CEP85L: variants seen among roughly 807,000 people sequenced by gnomAD.
The protein encoded by CEP85L is centrosomal protein 85L, also known as centrosomal protein of 85 kDa-like.
Under a neutral mutation model 100.3 loss-of-function variants are expected in CEP85L, and 60 were observed. The ratio of observed to expected loss-of-function variants is 0.60; its 90% CI spans 0.49 to 0.74. The LOEUF is 0.74. CEP85L is among the 30% of genes least tolerant of loss of function. CEP85L has a pLI of 0.00. For missense variants in CEP85L, 973 were observed against 936.2 expected, an observed-to-expected ratio of 1.04 and a Z score of -0.51; for synonymous variants, 319 against 322.7, an observed-to-expected ratio of 0.99 and a Z score of 0.12.
intron 1 of CEP85L, among the ~76,000 whole-genome samples, chr6:118,640,794 A>C (rs1292279182): frequency 6.6e-6 from 1 of 152,044 alleles, no homozygotes; most frequent in Non-Finnish European, 1.5e-5. Context: ...CTCCCAAAGT[A>C]CTGGGATTAC....
At chr6:118,512,632 A>G (rs1776035872) in intron 4 of CEP85L, among the ~76,000 whole-genome samples, 1 of 152,118 alleles carries the variant, frequency 6.6e-6, no homozygotes, top group Admixed American at 6.6e-5. Context: ...TCAATAGTGA[A>G]TTATCTGATC....
intron 2 of CEP85L, among the ~76,000 whole-genome samples, chr6:118,583,213 G>A (rs1371796284): frequency 2.0e-5 from 3 of 152,098 alleles, no homozygotes; most frequent in African/African-American, 7.2e-5. Context: ...TTAAACCCCC[G>A]GCTCCAGCGA....
At chr6:118,488,644 C>A (rs887272903) in intron 6 of CEP85L, among the ~76,000 whole-genome samples, 1 of 151,912 alleles carries the variant, frequency 6.6e-6, no homozygotes, top group Non-Finnish European at 1.5e-5. Context: ...TAAAAACTTC[C>A]CAAATATGTG....
chr6:118,558,911 C>T (rs764862475), intron 3 of CEP85L: 1 of 1,612,418 alleles, frequency 6.2e-7, no homozygotes, highest in South Asian at 1.1e-5. Context: ...ACTTCCTGTC[C>T]TGCTGGTATC....
intron 3 of CEP85L, among the ~76,000 whole-genome samples, chr6:118,563,172 A>C (rs1779321617): frequency 6.6e-6 from 1 of 152,190 alleles, no homozygotes; most frequent in Non-Finnish European, 1.5e-5. Context: ...CTGAGGGCAT[A>C]ATGGCTTCTT....
At chr6:118,659,831 G>A (rs1775913286) in intron 1 of CEP85L, among the ~76,000 whole-genome samples, 1 of 152,202 alleles carries the variant, frequency 6.6e-6, no homozygotes, top group Non-Finnish European at 1.5e-5. Context: ...CTTGCCCTAA[G>A]ATGGCCCCTG....
chr6:118,558,285 C>T (rs894462794), intron 3 of CEP85L, among the ~76,000 whole-genome samples: 2 of 152,120 alleles, frequency 1.3e-5, no homozygotes, highest in Admixed American at 6.6e-5. Context: ...TAAATGTATA[C>T]ATAGTTCATA....
intron 7 of CEP85L, among the ~76,000 whole-genome samples, chr6:118,482,187 A>C (rs1773840710): frequency 6.6e-6 from 1 of 152,142 alleles, no homozygotes; most frequent in Admixed American, 6.6e-5. Flanking sequence ...TAATATTCTC[A>C]TTTTAAATTT....
chr6:118,590,046 C>CACACACACACACACACAT (rs1781093813), intron 2 of CEP85L, among the ~76,000 whole-genome samples: 7 of 41,996 alleles, frequency 1.7e-4, no homozygotes, highest in Admixed American at 1.1e-3. Context: ...TCTGCATTTA[C>CACACACACACACACACAT]ACACACACAC....
chr6:118,565,608 G>T lies in CEP85L; in HGVS notation c.941C>A (p.Thr314Lys), dbSNP rs781502949. The T allele has an allele frequency of 5.0e-6, 8 of 1,614,070 alleles. No homozygotes were observed. In the East Asian group the frequency reaches 1.1e-4, roughly 22 times the overall value. Reference protein sequence around the residue: ...LRTNPLEGRNTEDSYSLAPWQ... With the variant: ...LRTNPLEGRNKEDSYSLAPWQ... ...AGGAGCTAAACTGTAAGAATCCTCT[G>T]TATTTCTACCTTCCAAAGGATTTGT... Residue 314 changes from threonine to lysine, a missense_variant, in exon 3 of 13, where the codon ACA (threonine) becomes AAA (lysine). Thr to Lys is a moderately conservative substitution (Grantham distance 78). Around this residue, in one of 3 missense-constraint regions of CEP85L, gnomAD observed 890 missense variants for 844.5 expected, o/e 1.05. Transcript: ENST00000368491.
intron 1 of CEP85L, among the ~76,000 whole-genome samples, chr6:118,702,903 G>T (rs371505838): frequency 1.3e-5 from 2 of 151,612 alleles, no homozygotes; most frequent in African/African-American, 4.8e-5. Flanking sequence ...GGCTGAGGCA[G>T]GAGAATGGCA....
At chr6:118,512,294 G>C (rs777641602) in intron 4 of CEP85L, among the ~76,000 whole-genome samples, 2 of 152,078 alleles carry the variant, frequency 1.3e-5, no homozygotes, top group African/African-American at 4.8e-5. Flanking sequence ...ATAACCCTTG[G>C]GCACTCGGTT....
chr6:118,600,363 GTGTGTGTAACGCCA>G (rs1781718165), intron 2 of CEP85L, among the ~76,000 whole-genome samples: 2 of 134,890 alleles, frequency 1.5e-5, no homozygotes, highest in African/African-American at 2.7e-5. Flanking sequence ...GTGTGTGTGT[GTGTGTGTAACGCCA>G]TGGAGCAATC....
chr6:118,503,211 A>G (rs1775418437), intron 5 of CEP85L, among the ~76,000 whole-genome samples: 1 of 152,240 alleles, frequency 6.6e-6, no homozygotes. Flanking sequence ...ATCAAAAAAT[A>G]AGATAGGTAT....
In CEP85L at chr6:118,465,403, G is replaced by A; in HGVS notation, c.*2C>T. The A allele has an allele frequency of 6.2e-7, 1 of 1,612,034 alleles. No homozygotes were observed. The highest frequency in any genetic ancestry group is 2.2e-5 in the East Asian group (1 of 44,840). On this transcript the variant is annotated 3_prime_UTR_variant, in exon 13 of 13. Transcript: ENST00000368491. Reference sequence around the variant, plus strand: ...CATTATTGCTGTGGGACTAACACTTGATCACTGAGTAATGCAGTTGTCTCC... The same window carrying A: ...CATTATTGCTGTGGGACTAACACTTAATCACTGAGTAATGCAGTTGTCTCC...
intron 2 of CEP85L, among the ~76,000 whole-genome samples, chr6:118,579,209 T>A (rs779656975): frequency 6.6e-6 from 1 of 152,006 alleles, no homozygotes; most frequent in African/African-American, 2.4e-5. Flanking sequence ...AAGCTGTTTT[T>A]AAAAATCAAA....
At chr6:118,500,508 A>G (rs1164489467) in intron 5 of CEP85L, among the ~76,000 whole-genome samples, 1 of 26,200 alleles carries the variant, frequency 3.8e-5, no homozygotes, top group Non-Finnish European at 1.1e-4. Context: ...AAACAGGCTG[A>G]CTGATAATTA....
At chr6:118,562,384 GAC>G (rs1187541669) in intron 3 of CEP85L, among the ~76,000 whole-genome samples, 1 of 151,358 alleles carries the variant, frequency 6.6e-6, no homozygotes, top group African/African-American at 2.4e-5. Context: ...TAAATCAAGA[GAC>G]AGGGTGTTAC....
intron 3 of CEP85L, among the ~76,000 whole-genome samples, chr6:118,544,162 T>A (rs1778066220): frequency 6.6e-6 from 1 of 152,188 alleles, no homozygotes; most frequent in Non-Finnish European, 1.5e-5. Flanking sequence ...AATACTACAA[T>A]CATTAAATTG....
Sources: allele counts gnomAD v4.1 joint callset (sites outside exome capture counted in the v4.1 genomes callset), GRCh38; gene constraint gnomAD v4.1.1; regional missense constraint gnomAD v4.1.1; transcripts MANE v1.5; gene names NCBI Gene and HGNC (gene_info 2026-07-23, HGNC 2026-07-21).